The following RPL22 variants were observed in gnomAD, a reference collection of about 807,000 sequenced individuals.
RPL22 encodes large ribosomal subunit protein eL22.
A neutral mutation model predicts 16.2 loss-of-function variants in RPL22; 4 were observed. The observed-to-expected ratio is 0.25, with a 90% CI of 0.12 to 0.57. The LOEUF is 0.57. Among genes scored for constraint, RPL22 ranks in the 20% least tolerant of loss-of-function variants. The pLI, the probability that RPL22 is intolerant of heterozygous loss-of-function variation, is 0.92. For missense variants in RPL22, 83 were observed against 156.1 expected, an observed-to-expected ratio of 0.53 and a Z score of 2.49; for synonymous variants, 43 against 54.8, an observed-to-expected ratio of 0.78 and a Z score of 0.95.
intron 3 of RPL22, among the ~76,000 whole-genome samples, chr1:6,189,612 T>TTA (rs756672318): frequency 7.9e-6 from 1 of 125,802 alleles, no homozygotes; most frequent in Non-Finnish European, 1.7e-5. Flanking sequence ...AAAATCAGGT[T>TTA]AAAAAAAAAA....
intron 1 of RPL22, chr1:6,199,278 C>T (rs915773860): frequency 5.9e-6 from 4 of 679,986 alleles, no homozygotes; most frequent in Non-Finnish European, 8.2e-6. Context: ...GACCAGTGGC[C>T]GGCCCAGACC....
At chr1:6,192,761 A>G (rs1172700940) in intron 3 of RPL22, among the ~76,000 whole-genome samples, 169 bp downstream of exon 3, 2 of 152,246 alleles carry the variant, frequency 1.3e-5, no homozygotes, top group Non-Finnish European at 2.9e-5. Context: ...AAAGTTGACT[A>G]TTGTTAACAA....
At chr1:6,190,558 T>TCTC (rs1222712710) in intron 3 of RPL22, among the ~76,000 whole-genome samples, 1 of 152,198 alleles carries the variant, frequency 6.6e-6, no homozygotes, top group Admixed American at 6.5e-5. Context: ...TTTTGTATTT[T>TCTC]TAGTAGAAAC....
chr1:6,185,659 G>A lies in RPL22; in HGVS notation c.*1013C>T. ...CTTTTGCATTACTGTTTGAATTTCA[G>A]AAGGGCACCACAAGGCACCAGAGTC... On this transcript the variant is annotated 3_prime_UTR_variant, in exon 4 of 4. Coordinates refer to ENST00000234875, the MANE Select transcript of RPL22 (RefSeq NM_000983.4). The A allele has an allele frequency of 3.2e-6, 1 of 314,054 alleles. No individual in the cohort carries two copies. Among genetic ancestry groups the A allele is most frequent in the Non-Finnish European group, 5.8e-6 (1 of 172,556 alleles). 19.5% of individuals were successfully genotyped at this position (314,054 alleles called of 1,614,324 possible).
At chr1:6,186,848 A>G in intron 3 of RPL22, 32 bp from the exon 4 acceptor site, 1 of 1,608,982 alleles carries the variant, frequency 6.2e-7, no homozygotes, top group Non-Finnish European at 8.5e-7. Flanking sequence ...ACTCCACTAG[A>G]CAGTTGGTGC....
chr1:6,187,321 G>GA (rs1386791980), intron 3 of RPL22, among the ~76,000 whole-genome samples: 1 of 149,154 alleles, frequency 6.7e-6, no homozygotes, highest in Non-Finnish European at 1.5e-5. Context: ...AAAGAAAAAA[G>GA]AAAAAAAACT....
At chr1:6,187,617 AAAAAAAAAAC>A (rs1393910460) in intron 3 of RPL22, among the ~76,000 whole-genome samples, 1 of 150,988 alleles carries the variant, frequency 6.6e-6, no homozygotes, top group African/African-American at 2.5e-5. Context: ...CCATCTCAAA[AAAAAAAAAAC>A]AAAAAAAAAA....
chr1:6,189,004 T>C (rs567283239), intron 3 of RPL22, among the ~76,000 whole-genome samples: 35 of 152,312 alleles, frequency 2.3e-4, no homozygotes, highest in African/African-American at 6.5e-4. Context: ...CAGGCTGGTC[T>C]GGAACTCCCG....
At chr1:6,189,622 A>AAAAC (rs1557572826) in intron 3 of RPL22, among the ~76,000 whole-genome samples, 1 of 151,784 alleles carries the variant, frequency 6.6e-6, no homozygotes, top group African/African-American at 2.4e-5. Context: ...TAAAAAAAAA[A>AAAAC]AAAAAACCCT....
At chr1:6,190,354 A>G (rs941566384) in intron 3 of RPL22, among the ~76,000 whole-genome samples, 1 of 151,978 alleles carries the variant, frequency 6.6e-6, no homozygotes, top group African/African-American at 2.4e-5. Flanking sequence ...AAAATTTCCC[A>G]CCACTTGATT....
At chr1:6,196,600 T>C (rs1667720823) in intron 2 of RPL22, among the ~76,000 whole-genome samples, 1 of 152,226 alleles carries the variant, frequency 6.6e-6, no homozygotes. Flanking sequence ...TACACACAAA[T>C]ACGAAGTCTG....
chr1:6,185,298 G>A lies in RPL22; in HGVS notation c.*1374C>T. On this transcript the variant is annotated 3_prime_UTR_variant, in exon 4 of 4. Transcript: ENST00000234875. ...AACTTAGTTAATAATCATGGTTAAG[G>A]GACATTGCCAAAGAGCAACTGATGC... 1 of 399,020 alleles carries A rather than the reference G, an allele frequency of 2.5e-6. No individual in the cohort carries two copies. Among genetic ancestry groups the A allele is most frequent in the Non-Finnish European group, 4.4e-6 (1 of 226,056 alleles). 24.7% of individuals were successfully genotyped at this position (399,020 alleles called of 1,614,324 possible).
At chr1:6,197,308 G>A (rs966802523) in intron 2 of RPL22, among the ~76,000 whole-genome samples, 1 of 152,172 alleles carries the variant, frequency 6.6e-6, no homozygotes, top group Non-Finnish European at 1.5e-5. Context: ...GGGATTACGG[G>A]CGTGAGCCAC....
chr1:6,196,623 A>G (rs1477927169), intron 2 of RPL22, among the ~76,000 whole-genome samples: 1 of 152,294 alleles, frequency 6.6e-6, no homozygotes, highest in Admixed American at 6.5e-5. Context: ...TCCCCCAAAC[A>G]TGGCTATTAG....
At chr1:6,198,092 T>C (rs1667745319) in intron 1 of RPL22, 3 of 252,198 alleles carry the variant, frequency 1.2e-5, no homozygotes, top group African/African-American at 4.5e-5. Flanking sequence ...GAACACTTCC[T>C]TTTGTTTGCC....
At chr1:6,191,913 C>T (rs936998149) in intron 3 of RPL22, among the ~76,000 whole-genome samples, 3 of 147,936 alleles carry the variant, frequency 2.0e-5, no homozygotes, top group East Asian at 4.2e-4. Context: ...GCAGGAGAAT[C>T]GCTTGAACCT....
chr1:6,199,547 C>G lies in RPL22; in HGVS notation c.12+15G>C, dbSNP rs768161804. The G allele has an allele frequency of 4.5e-6, 7 of 1,560,480 alleles. No individual in the cohort carries two copies. The South Asian group carries it at 8.3e-5, about 18-fold the overall frequency. On this transcript the variant is annotated intron_variant, in intron 1 of 3. Transcript: ENST00000234875. ...CCTCCCCTGGAGCCGAGGCCTCACG[C>G]GGAGCCATACTAACCACAGGAGCCA...
chr1:6,192,240 T>C (rs1667661749), intron 3 of RPL22, among the ~76,000 whole-genome samples: 1 of 151,978 alleles, frequency 6.6e-6, no homozygotes, highest in African/African-American at 2.4e-5. Context: ...GAGATGGGGG[T>C]CTCACTATGT....
chr1:6,189,989 T>A (rs949438705), intron 3 of RPL22, among the ~76,000 whole-genome samples: 10 of 152,314 alleles, frequency 6.6e-5, no homozygotes, highest in African/African-American at 2.2e-4. Flanking sequence ...TCGGGACACC[T>A]TGAACCTTTC....
Sources: allele counts gnomAD v4.1 joint callset (sites outside exome capture counted in the v4.1 genomes callset), GRCh38; gene constraint gnomAD v4.1.1; transcripts MANE v1.5; gene names NCBI Gene and HGNC (gene_info 2026-07-23, HGNC 2026-07-21).